The following KCNG3 variants were observed in gnomAD, a reference collection of about 807,000 sequenced individuals.
The protein encoded by KCNG3 is potassium voltage-gated channel modifier subfamily G member 3.
Under a neutral mutation model 29.0 loss-of-function variants are expected in KCNG3, and 15 were observed. The observed-to-expected ratio is 0.52, with a 90% CI of 0.35 to 0.80. The LOEUF (loss-of-function observed/expected upper bound fraction) is 0.80, where lower values mean the gene tolerates loss of function less well. KCNG3 is among the 30% of genes least tolerant of loss of function. The pLI, the probability that KCNG3 is intolerant of heterozygous loss-of-function variation, is 0.01. For missense variants in KCNG3, 512 were observed against 605.7 expected (o/e 0.85, Z 1.62); for synonymous variants, 322 against 248.9 (o/e 1.29, Z -2.76).
downstream of KCNG3, among the ~76,000 whole-genome samples, chr2:42,438,391 A>G (rs572860901): frequency 6.6e-6 from 1 of 152,312 alleles, no homozygotes; most frequent in East Asian, 1.9e-4. Flanking sequence ...TAGTTTTAAT[A>G]TAATGCTGCA....
chr2:42,463,951 T>G, intron 1 of KCNG3: 1 of 332,740 alleles, frequency 3.0e-6, no homozygotes. Flanking sequence ...GGTGAACACA[T>G]CCCTGGCAGA....
At chr2:42,452,685 G>C (rs963684939) in intron 1 of KCNG3, among the ~76,000 whole-genome samples, 1 of 151,984 alleles carries the variant, frequency 6.6e-6, no homozygotes, top group Non-Finnish European at 1.5e-5. Flanking sequence ...CCATGTTGTT[G>C]CAAATGGCAG....
At chr2:42,466,960 C>G (rs1281212863) in intron 1 of KCNG3, among the ~76,000 whole-genome samples, 1 of 151,910 alleles carries the variant, frequency 6.6e-6, no homozygotes, top group Non-Finnish European at 1.5e-5. Flanking sequence ...ACCATGTTGG[C>G]CGGGCTGGTC....
chr2:42,425,468 T>C, the KCNG3 span, among the ~76,000 whole-genome samples: 2 of 143,270 alleles, frequency 1.4e-5, no homozygotes, highest in South Asian at 2.2e-4. Context: ...GGGTGTAGAG[T>C]GTGGGCAGAA....
intron 1 of KCNG3, among the ~76,000 whole-genome samples, chr2:42,470,615 C>G (rs1220471437): frequency 6.6e-6 from 1 of 152,214 alleles, no homozygotes; most frequent in East Asian, 1.9e-4. Flanking sequence ...TGGCTCACAA[C>G]TGTAATCCCA....
downstream of KCNG3, among the ~76,000 whole-genome samples, chr2:42,441,240 T>C (rs1415553823): frequency 6.6e-6 from 1 of 151,484 alleles, no homozygotes; most frequent in Non-Finnish European, 1.5e-5. Context: ...AATTAAAAAA[T>C]TAACCAGCAT....
intron 1 of KCNG3, among the ~76,000 whole-genome samples, chr2:42,487,638 C>T (rs1251328693): frequency 1.3e-5 from 2 of 152,170 alleles, no homozygotes; most frequent in African/African-American, 4.8e-5. Flanking sequence ...CAGAAACACG[C>T]TCTCTCCTAT....
chr2:42,448,057 G>C (rs1015345767), intron 1 of KCNG3, among the ~76,000 whole-genome samples: 5 of 152,146 alleles, frequency 3.3e-5, no homozygotes, highest in Admixed American at 1.3e-4. Flanking sequence ...GTTGAACTTG[G>C]AGGTCTCTGC....
chr2:42,403,684 T>G, the KCNG3 span, among the ~76,000 whole-genome samples: 2 of 150,924 alleles, frequency 1.3e-5, no homozygotes, highest in African/African-American at 4.9e-5. Flanking sequence ...AGGCTGGTTT[T>G]GAACTCCTGA....
chr2:42,483,164 A>G (rs1673634378), intron 1 of KCNG3, among the ~76,000 whole-genome samples: 1 of 152,116 alleles, frequency 6.6e-6, no homozygotes, highest in African/African-American at 2.4e-5. Context: ...TTTTTTAATT[A>G]CGTTGTTTCC....
the KCNG3 span, among the ~76,000 whole-genome samples, chr2:42,415,992 C>T: frequency 6.6e-6 from 1 of 151,920 alleles, no homozygotes; most frequent in African/African-American, 2.4e-5. Flanking sequence ...GTCAGGAGTT[C>T]GAGGCTAGGC....
the KCNG3 span, among the ~76,000 whole-genome samples, chr2:42,405,356 T>TA: frequency 6.6e-6 from 1 of 152,196 alleles, no homozygotes; most frequent in Non-Finnish European, 1.5e-5. Flanking sequence ...TTGTGTTTGT[T>TA]TTCTGTTTCA....
the KCNG3 span, among the ~76,000 whole-genome samples, chr2:42,418,520 T>C: frequency 6.6e-6 from 1 of 152,226 alleles, no homozygotes; most frequent in African/African-American, 2.4e-5. Context: ...ATTTTGTATA[T>C]TTCTTTATTA....
At chr2:42,412,403 G>A in the KCNG3 span, among the ~76,000 whole-genome samples, 3 of 152,106 alleles carry the variant, frequency 2.0e-5, no homozygotes, top group Admixed American at 1.3e-4. Flanking sequence ...ACTGATTCAA[G>A]GTTCTTTAGT....
chr2:42,413,569 CTT>C, the KCNG3 span: 1 of 151,758 alleles, frequency 6.6e-6, no homozygotes, highest in Non-Finnish European at 1.5e-5. Flanking sequence ...CATTTTAAAC[CTT>C]TTATTTTGTA....
chr2:42,399,036 CTTTTCTTTTT>C, the KCNG3 span, among the ~76,000 whole-genome samples: 3 of 145,962 alleles, frequency 2.1e-5, no homozygotes, highest in Non-Finnish European at 4.5e-5. Flanking sequence ...TTCTTTTTTT[CTTTTCTTTTT>C]TTTTCTTTTC....
chr2:42,447,850 T>C (rs1226020928), intron 1 of KCNG3, among the ~76,000 whole-genome samples: 1 of 152,170 alleles, frequency 6.6e-6, no homozygotes, highest in African/African-American at 2.4e-5. Flanking sequence ...TACGTTTGTA[T>C]ATCATTTCCC....
the KCNG3 span, among the ~76,000 whole-genome samples, chr2:42,389,156 G>T: frequency 6.6e-6 from 1 of 152,146 alleles, no homozygotes; most frequent in African/African-American, 2.4e-5. Flanking sequence ...GACCTCAAGT[G>T]ATCCTCCCCC....
chr2:42,398,079 C>T, the KCNG3 span, among the ~76,000 whole-genome samples: 1 of 151,890 alleles, frequency 6.6e-6, no homozygotes, highest in Non-Finnish European at 1.5e-5. Context: ...AAAAATTAGC[C>T]GGGCATGGTG....
Sources: gnomAD v4.1 joint callset for allele counts (sites outside exome capture counted in the v4.1 genomes callset) on GRCh38, gnomAD v4.1.1 for gene constraint, MANE v1.5 for transcripts, NCBI Gene and HGNC (gene_info 2026-07-23, HGNC 2026-07-21) for gene names.